The following MCTP1 variants were observed in gnomAD, a reference collection of about 807,000 sequenced individuals.
MCTP1 encodes multiple C2 and transmembrane domain containing 1.
In MCTP1, 69 loss-of-function variants were observed where a neutral mutation model predicts 120.6. The ratio of observed to expected loss-of-function variants is 0.57; its 90% CI spans 0.47 to 0.70. MCTP1 has a LOEUF of 0.70. Ranked by LOEUF, MCTP1 falls within the 30% of genes least tolerant of loss-of-function variation. The pLI, the probability that MCTP1 is intolerant of heterozygous loss-of-function variation, is 0.00. For synonymous variants in MCTP1, 529 were observed against 493.1 expected, an observed-to-expected ratio of 1.07 and a Z score of -0.96; for missense variants, 1,203 against 1,248.8, an observed-to-expected ratio of 0.96 and a Z score of 0.55.
At chr5:95,127,123 C>T (rs1050699632) in intron 1 of MCTP1, among the ~76,000 whole-genome samples, 3 of 151,988 alleles carry the variant, frequency 2.0e-5, no homozygotes, top group African/African-American at 7.2e-5. Context: ...CCTCATCTAG[C>T]CTTCAATAAA....
intron 2 of MCTP1, among the ~76,000 whole-genome samples, chr5:94,970,683 A>G (rs180796995): frequency 9.7e-4 from 148 of 152,094 alleles, no homozygotes; most frequent in Non-Finnish European, 1.6e-3. Context: ...AAAGGAAACT[A>G]TTTTTCCTGA....
chr5:95,199,341 T>C (rs10037505), intron 1 of MCTP1, among the ~76,000 whole-genome samples: 4 of 152,038 alleles, frequency 2.6e-5, no homozygotes, highest in Non-Finnish European at 4.4e-5. Flanking sequence ...AGAATACATA[T>C]GATAAAGGCT....
chr5:94,767,764 G>A (rs1053245381), intron 19 of MCTP1, among the ~76,000 whole-genome samples: 2 of 151,950 alleles, frequency 1.3e-5, no homozygotes, highest in Non-Finnish European at 2.9e-5. Context: ...AGTTGAAGAG[G>A]ACACAAATGA....
intron 1 of MCTP1, among the ~76,000 whole-genome samples, chr5:95,036,266 A>T (rs1346530741): frequency 6.6e-6 from 1 of 152,182 alleles, no homozygotes; most frequent in East Asian, 1.9e-4. Flanking sequence ...TTTGGGCAAC[A>T]TATATGGGAA....
chr5:95,244,486 C>T (rs1365851576), intron 1 of MCTP1, among the ~76,000 whole-genome samples: 1 of 152,212 alleles, frequency 6.6e-6, no homozygotes, highest in East Asian at 1.9e-4. Context: ...AAATACTGCT[C>T]TTTTCCCATG....
intron 1 of MCTP1, among the ~76,000 whole-genome samples, chr5:95,138,936 T>C (rs1443713804): frequency 6.6e-6 from 1 of 152,244 alleles, no homozygotes; most frequent in Non-Finnish European, 1.5e-5. Flanking sequence ...AGTCTTCATT[T>C]AGATCTGTTT....
At chr5:94,951,154 C>T (rs937434029) in intron 3 of MCTP1, among the ~76,000 whole-genome samples, 6 of 152,156 alleles carry the variant, frequency 3.9e-5, no homozygotes, top group Admixed American at 2.6e-4. Flanking sequence ...TATCATTCCA[C>T]TGTCTATGCC....
At chr5:94,901,198 T>C (rs1412676554) in intron 10 of MCTP1, among the ~76,000 whole-genome samples, 1 of 152,138 alleles carries the variant, frequency 6.6e-6, no homozygotes, top group East Asian at 1.9e-4. Context: ...AGGAGCAAAG[T>C]TATGCCTTCT....
At chr5:94,859,481 C>A (rs559491555) in intron 17 of MCTP1, among the ~76,000 whole-genome samples, 1 of 151,610 alleles carries the variant, frequency 6.6e-6, no homozygotes, top group Non-Finnish European at 1.5e-5. Flanking sequence ...GATAAATGTT[C>A]GAGGTGCTGC....
At chr5:94,709,186 G>A (rs1406099343) in intron 21 of MCTP1, 1 of 152,084 alleles carries the variant, frequency 6.6e-6, no homozygotes, top group East Asian at 1.9e-4. Context: ...TAAAAACTGA[G>A]CCATACACTG....
chr5:95,029,369 A>G (rs1839875288), intron 1 of MCTP1, among the ~76,000 whole-genome samples: 1 of 152,056 alleles, frequency 6.6e-6, no homozygotes, highest in African/African-American at 2.4e-5. Flanking sequence ...CTCATTTTCT[A>G]TTTCTTTAAA....
intron 2 of MCTP1, among the ~76,000 whole-genome samples, chr5:94,993,510 T>C (rs1225400607): frequency 6.6e-6 from 1 of 152,196 alleles, no homozygotes; most frequent in Non-Finnish European, 1.5e-5. Flanking sequence ...GAACCTTCCC[T>C]TATTTTCCCA....
chr5:94,988,250 A>G (rs1830764057), intron 2 of MCTP1, among the ~76,000 whole-genome samples: 1 of 152,166 alleles, frequency 6.6e-6, no homozygotes, highest in Non-Finnish European at 1.5e-5. Flanking sequence ...TTATATTAAT[A>G]TTTATTCTTT....
intron 1 of MCTP1, among the ~76,000 whole-genome samples, chr5:95,114,964 G>C (rs192325675): frequency 6.6e-6 from 1 of 152,306 alleles, no homozygotes; most frequent in Non-Finnish European, 1.5e-5. Flanking sequence ...AGTAAGGAAG[G>C]AGAACAAGAG....
At chr5:95,199,457 C>G (rs1416934486) in intron 1 of MCTP1, among the ~76,000 whole-genome samples, 1 of 152,042 alleles carries the variant, frequency 6.6e-6, no homozygotes, top group Non-Finnish European at 1.5e-5. Context: ...ATACAAATGG[C>G]CAACAGGTGT....
chr5:95,127,598 G>A (rs1316043014), intron 1 of MCTP1, among the ~76,000 whole-genome samples: 1 of 152,136 alleles, frequency 6.6e-6, no homozygotes, highest in Non-Finnish European at 1.5e-5. Context: ...GAGCACAGAG[G>A]AGGTGGACTG....
chr5:95,048,245 T>C (rs914881993), intron 1 of MCTP1, among the ~76,000 whole-genome samples: 4 of 152,118 alleles, frequency 2.6e-5, no homozygotes, highest in Non-Finnish European at 5.9e-5. Context: ...AAAATAAAAA[T>C]GGCAAGGAAA....
At chr5:95,018,618 C>T (rs1837592549) in intron 1 of MCTP1, among the ~76,000 whole-genome samples, 1 of 151,920 alleles carries the variant, frequency 6.6e-6, no homozygotes, top group Non-Finnish European at 1.5e-5. Flanking sequence ...ACTGTCTCTC[C>T]TCTGGTAACA....
intron 1 of MCTP1, among the ~76,000 whole-genome samples, chr5:95,184,565 T>A (rs1043924005): frequency 1.3e-5 from 2 of 152,148 alleles, no homozygotes; most frequent in African/African-American, 4.8e-5. Flanking sequence ...GGTTTAACTA[T>A]CAAACAAAAC....
Sources: gnomAD v4.1 joint callset for allele counts (sites outside exome capture counted in the v4.1 genomes callset) on GRCh38, gnomAD v4.1.1 for gene constraint, MANE v1.5 for transcripts, NCBI Gene and HGNC (gene_info 2026-07-23, HGNC 2026-07-21) for gene names.